Variants in RHAG observed in about 807,000 individuals in gnomAD.
RHAG encodes Rh associated glycoprotein, also known as ammonium transporter Rh type A.
RHAG carries 25 observed loss-of-function variants against 42.4 expected under a neutral mutation model. That is an observed-to-expected ratio of 0.59 (90% confidence interval 0.43 to 0.82). The LOEUF is 0.82. Ranked by LOEUF, RHAG falls within the 40% of genes least tolerant of loss-of-function variation. The pLI, the probability that RHAG is intolerant of heterozygous loss-of-function variation, is 0.00. For missense variants in RHAG, 483 were observed against 504.6 expected (o/e 0.96, Z 0.41); for synonymous variants, 182 against 177.7 (o/e 1.02, Z -0.19).
intron 3 of RHAG, among the ~76,000 whole-genome samples, chr6:49,616,867 C>T (rs1762665565): frequency 2.0e-5 from 3 of 152,156 alleles, no homozygotes; most frequent in African/African-American, 7.2e-5. Flanking sequence ...AGCTGGGAAA[C>T]CTTGCCTTGC....
chr6:49,625,062 G>C (rs1458056702), intron 1 of RHAG, among the ~76,000 whole-genome samples: 1 of 152,146 alleles, frequency 6.6e-6, no homozygotes, highest in Admixed American at 6.5e-5. Context: ...TTTTTGTTTA[G>C]AATACAGGGA....
intron 1 of RHAG, among the ~76,000 whole-genome samples, chr6:49,621,291 A>G (rs1256158678): frequency 2.6e-5 from 4 of 152,092 alleles, no homozygotes; most frequent in Non-Finnish European, 5.9e-5. Flanking sequence ...TAAGCTCTCA[A>G]TTCTCTCTGG....
chr6:49,611,232 C>A, intron 6 of RHAG, 87 bp from the exon 7 acceptor site: 1 of 1,059,580 alleles, frequency 9.4e-7, no homozygotes, highest in South Asian at 1.4e-5. Context: ...GGGCTCTATT[C>A]TTCCATGGAG....
rs578138737 is a variant in RHAG, at chr6:49,607,373, A to C, written c.1068-153T>G. On this transcript the variant is annotated intron_variant, in intron 7 of 9. Transcript: ENST00000371175. Reference sequence around the variant, plus strand: ...GCATTTGTTACAATTTTTCTTTCATATTCTTATTTTCTTTGAAACTCTTGA... The same window carrying C: ...GCATTTGTTACAATTTTTCTTTCATCTTCTTATTTTCTTTGAAACTCTTGA... 3.3e-5 allele frequency among the ~76,000 whole-genome samples: 5 copies of C among 152,330 alleles called. No homozygotes were observed. In the South Asian group the frequency reaches 1.0e-3, roughly 32 times the overall value.
rs1039781569 is a variant in RHAG at position 49,618,073 on chromosome 6, A to G, written c.487T>C (p.Phe163Leu). ...ATAAATTTTCTAACTCTTACCTTAA[A>G]TATTTCACTAACCAGGTATTCATTG... ...AHNEYLVSEIFKASDIGASMT... is the reference protein window; with the variant it reads ...AHNEYLVSEILKASDIGASMT... Residue 163 changes from phenylalanine to leucine, a missense_variant, in exon 3 of 10, where the codon TTT becomes CTT. Coordinates refer to ENST00000371175, the MANE Select transcript of RHAG (RefSeq NM_000324.3). 5 of 1,613,720 alleles carry G rather than the reference A, an allele frequency of 3.1e-6. No individual in the cohort carries two copies. Among genetic ancestry groups the G allele is most frequent in the Non-Finnish European group, 4.2e-6 (5 of 1,179,790 alleles).
At chr6:49,622,585 G>A (rs1039246511) in intron 1 of RHAG, among the ~76,000 whole-genome samples, 5 of 152,076 alleles carry the variant, frequency 3.3e-5, no homozygotes, top group African/African-American at 1.2e-4. Context: ...ACACCCAAGA[G>A]GTGACTTGCT....
At chr6:49,625,198 G>A (rs1259910045) in intron 1 of RHAG, among the ~76,000 whole-genome samples, 1 of 152,182 alleles carries the variant, frequency 6.6e-6, no homozygotes, top group Non-Finnish European at 1.5e-5. Context: ...ATCTGTTGGA[G>A]ACAATCAATC....
At chr6:49,612,630 T>A in intron 5 of RHAG, 96 bp from the exon 6 acceptor site, 1 of 1,430,164 alleles carries the variant, frequency 7.0e-7, no homozygotes. Context: ...CACATCACAT[T>A]CTTCAGTTGA....
chr6:49,610,971 G>C, intron 7 of RHAG, 53 bp downstream of exon 7: 1 of 1,608,400 alleles, frequency 6.2e-7, no homozygotes, highest in Non-Finnish European at 8.5e-7. Context: ...TTCTCAGAGT[G>C]AGAGAAAACA....
intron 1 of RHAG, among the ~76,000 whole-genome samples, chr6:49,628,282 A>T (rs1234080090): frequency 6.6e-6 from 1 of 152,028 alleles, no homozygotes; most frequent in Non-Finnish European, 1.5e-5. Flanking sequence ...CTGGGATTAC[A>T]GGTGCACACT....
At chr6:49,611,180 G>T (rs375881582) in intron 6 of RHAG, 35 bp from the exon 7 acceptor site, 2 of 1,563,040 alleles carry the variant, frequency 1.3e-6, no homozygotes, top group Admixed American at 3.3e-5. Flanking sequence ...TTATTATTTA[G>T]TTAAACATAT....
At chr6:49,626,422 A>G (rs1283048228) in intron 1 of RHAG, among the ~76,000 whole-genome samples, 4 of 152,200 alleles carry the variant, frequency 2.6e-5, no homozygotes, top group Non-Finnish European at 4.4e-5. Flanking sequence ...TTCCAAAATG[A>G]ACTCCTTTGC....
At chr6:49,624,193 T>C (rs978953153) in intron 1 of RHAG, among the ~76,000 whole-genome samples, 2 of 152,158 alleles carry the variant, frequency 1.3e-5, no homozygotes, top group African/African-American at 2.4e-5. Flanking sequence ...TTATTACTTA[T>C]TATTTTTATT....
At position 49,605,634 on chromosome 6, in the gene RHAG, C is replaced by A. The variant is rs1248345149; in HGVS notation, c.*179G>T. Reference sequence around the variant, plus strand: ...CATCAGACATAAGGACATTTTTACACTGGCCATTTGGGACTTAGGATCTAT... The same window carrying A: ...CATCAGACATAAGGACATTTTTACAATGGCCATTTGGGACTTAGGATCTAT... On this transcript the variant is annotated 3_prime_UTR_variant, in exon 10 of 10. Transcript: ENST00000371175. 1.4e-6 allele frequency: 1 copy of A among 708,008 alleles called. No individual in the cohort carries two copies. The highest frequency in any genetic ancestry group is 2.6e-6 in the Non-Finnish European group (1 of 380,968). 43.9% of individuals were successfully genotyped at this position (708,008 alleles called of 1,614,324 possible). A position where few individuals can be genotyped will look rare whatever the true frequency, so the allele number is the denominator to read the frequency against.
At chr6:49,623,730 C>T (rs954912751) in intron 1 of RHAG, among the ~76,000 whole-genome samples, 2 of 152,168 alleles carry the variant, frequency 1.3e-5, no homozygotes, top group Non-Finnish European at 2.9e-5. Context: ...CAGCTTCCCA[C>T]AAGGAAGTAT....
At chr6:49,612,718 G>T (rs1225114328) in intron 5 of RHAG, among the ~76,000 whole-genome samples, 184 bp from the exon 6 acceptor site, 1 of 152,172 alleles carries the variant, frequency 6.6e-6, no homozygotes, top group Non-Finnish European at 1.5e-5. Flanking sequence ...TTGACATTTG[G>T]TATCTTTCTT....
intron 1 of RHAG, among the ~76,000 whole-genome samples, chr6:49,624,907 C>G (rs1762820425): frequency 6.6e-6 from 1 of 152,158 alleles, no homozygotes; most frequent in Admixed American, 6.5e-5. Context: ...TGATGACATG[C>G]ATAAAACCCC....
At chr6:49,614,195 T>A (rs1202167344) in intron 5 of RHAG, among the ~76,000 whole-genome samples, 1 of 151,916 alleles carries the variant, frequency 6.6e-6, no homozygotes, top group Non-Finnish European at 1.5e-5. Context: ...TTTTTTTCTT[T>A]TTTTTTTTCT....
At chr6:49,607,272 GA>G in intron 7 of RHAG, 52 bp from the exon 8 acceptor site, 1 of 1,474,176 alleles carries the variant, frequency 6.8e-7, no homozygotes, top group East Asian at 2.3e-5. Flanking sequence ...CTCAGCCAAA[GA>G]AAGTCTCACT....
Sources: allele counts gnomAD v4.1 joint callset (sites outside exome capture counted in the v4.1 genomes callset), GRCh38; gene constraint gnomAD v4.1.1; transcripts MANE v1.5; gene names NCBI Gene and HGNC (gene_info 2026-07-23, HGNC 2026-07-21).